The following LDLRAD4 variants were observed in gnomAD, a reference collection of about 807,000 sequenced individuals.
LDLRAD4 encodes the protein low density lipoprotein receptor class A domain containing 4.
A neutral mutation model predicts 17.0 loss-of-function variants in LDLRAD4; 5 were observed. The observed-to-expected ratio is 0.29, with a 90% CI of 0.15 to 0.62. LDLRAD4 has a LOEUF of 0.62. Ranked by LOEUF, LDLRAD4 falls within the 20% of genes least tolerant of loss-of-function variation. The pLI is 0.84. For synonymous variants in LDLRAD4, 168 were observed against 171.8 expected, an observed-to-expected ratio of 0.98 and a Z score of 0.17; for missense variants, 340 against 424.7, an observed-to-expected ratio of 0.80 and a Z score of 1.75.
At chr18:13,322,295 T>G (rs889998408) in intron 1 of LDLRAD4, among the ~76,000 whole-genome samples, 1 of 143,484 alleles carries the variant, frequency 7.0e-6, no homozygotes, top group Non-Finnish European at 1.5e-5. Flanking sequence ...TCTCACTTTT[T>G]TTTTTTTTTT....
intron 3 of LDLRAD4, among the ~76,000 whole-genome samples, chr18:13,601,142 A>G (rs1179168461): frequency 6.6e-6 from 1 of 152,196 alleles, no homozygotes; most frequent in Non-Finnish European, 1.5e-5. Flanking sequence ...CAGGGGCCTC[A>G]CATTCACAGC....
upstream of LDLRAD4, among the ~76,000 whole-genome samples, chr18:13,218,265 G>T (rs1322558803): frequency 6.6e-6 from 1 of 152,208 alleles, no homozygotes; most frequent in Non-Finnish European, 1.5e-5. Context: ...GGCGCCGAGC[G>T]CGCGAGGTCT....
chr18:13,292,140 C>T (rs1191930295), intron 1 of LDLRAD4, among the ~76,000 whole-genome samples: 1 of 152,134 alleles, frequency 6.6e-6, no homozygotes, highest in East Asian at 1.9e-4. Context: ...GGCTGTCTGG[C>T]TGTGGGGTGG....
At chr18:13,253,078 G>A (rs2043311273) in intron 1 of LDLRAD4, among the ~76,000 whole-genome samples, 1 of 152,228 alleles carries the variant, frequency 6.6e-6, no homozygotes, top group Non-Finnish European at 1.5e-5. Context: ...CCAAGTGCCA[G>A]TGATATTCTG....
At chr18:13,373,039 T>C (rs1054464407) in intron 1 of LDLRAD4, among the ~76,000 whole-genome samples, 27 of 152,320 alleles carry the variant, frequency 1.8e-4, no homozygotes, top group African/African-American at 6.5e-4. Flanking sequence ...GACTAACAGA[T>C]TTCAGTGGAG....
At chr18:13,557,408 C>T (rs1003725513) in intron 3 of LDLRAD4, among the ~76,000 whole-genome samples, 1 of 149,124 alleles carries the variant, frequency 6.7e-6, no homozygotes, top group Non-Finnish European at 1.5e-5. Flanking sequence ...TAGACAAAGC[C>T]TTTTTTTTTT....
At chr18:13,351,060 G>T (rs912631822) in intron 1 of LDLRAD4, among the ~76,000 whole-genome samples, 1 of 152,130 alleles carries the variant, frequency 6.6e-6, no homozygotes, top group Non-Finnish European at 1.5e-5. Flanking sequence ...AAATCAGGTA[G>T]CATGATGCCT....
chr18:13,456,859 G>A (rs2092163378), intron 3 of LDLRAD4, among the ~76,000 whole-genome samples: 1 of 152,212 alleles, frequency 6.6e-6, no homozygotes. Context: ...CTTGGGATAT[G>A]TGGTTTTTTC....
At chr18:13,560,761 C>T (rs73954858) in intron 3 of LDLRAD4, among the ~76,000 whole-genome samples, 8,333 of 152,268 alleles carry the variant, frequency 0.055, 493 homozygotes, top group African/African-American at 0.15. Flanking sequence ...TTAAAGAAAA[C>T]TCCAATCTCA....
At chr18:13,288,102 TG>T (rs1250389993) in intron 1 of LDLRAD4, among the ~76,000 whole-genome samples, 1 of 152,248 alleles carries the variant, frequency 6.6e-6, no homozygotes, top group Non-Finnish European at 1.5e-5. Flanking sequence ...TTTCACATTT[TG>T]AACTGAGGAT....
Position 13,518,303 on chromosome 18 carries a change from C to G in LDLRAD4, c.181+79919C>G, listed in dbSNP as rs561011285. 1.5e-3 allele frequency among the ~76,000 whole-genome samples: 236 copies of G among 152,296 alleles called. 1 individual carries two copies. The highest frequency in any genetic ancestry group is 5.5e-3 in the African/African-American group (228 of 41,536). ...AACTTCCTACAGTCATTAGTTCACT[C>G]CTCAGCTGTGTCTCGTGTTACTAGA... On this transcript the variant is annotated intron_variant, in intron 3 of 5. Coordinates refer to ENST00000359446, the Ensembl canonical transcript of LDLRAD4.
chr18:13,530,987 GCCTCTTAACACAGTGGTT>G (rs942778434), intron 3 of LDLRAD4, among the ~76,000 whole-genome samples: 17 of 152,328 alleles, frequency 1.1e-4, no homozygotes, highest in South Asian at 2.1e-4. Flanking sequence ...AAGTTAAGCT[GCCTCTTAACACAGTGGTT>G]CTCCTTCGTT....
intron 3 of LDLRAD4, chr18:13,613,075 T>A: frequency 3.4e-6 from 1 of 289,990 alleles, no homozygotes; most frequent in East Asian, 6.9e-5. Flanking sequence ...AATGTCTGTA[T>A]ATAAGGCTGA....
At chr18:13,523,272 G>A (rs76538062) in intron 3 of LDLRAD4, among the ~76,000 whole-genome samples, 42 of 152,332 alleles carry the variant, frequency 2.8e-4, no homozygotes, top group Non-Finnish European at 5.0e-4. Flanking sequence ...TCATGAGAAT[G>A]GAGATTGTCC....
At chr18:13,476,374 C>G (rs1466696769) in intron 3 of LDLRAD4, among the ~76,000 whole-genome samples, 1 of 152,038 alleles carries the variant, frequency 6.6e-6, no homozygotes, top group Non-Finnish European at 1.5e-5. Context: ...TCTGTAATCC[C>G]AGCACTTTGG....
intron 1 of LDLRAD4, among the ~76,000 whole-genome samples, chr18:13,341,321 AG>A (rs2082362791): frequency 6.6e-6 from 1 of 152,156 alleles, no homozygotes; most frequent in Non-Finnish European, 1.5e-5. Context: ...CACTTCAGGT[AG>A]TACTGATATC....
At chr18:13,335,658 G>A (rs1413336325) in intron 1 of LDLRAD4, among the ~76,000 whole-genome samples, 2 of 152,128 alleles carry the variant, frequency 1.3e-5, no homozygotes, top group Admixed American at 6.5e-5. Context: ...CAGGAATTCC[G>A]GAATGCCTGT....
At chr18:13,402,282 A>G (rs1435028230) in intron 2 of LDLRAD4, among the ~76,000 whole-genome samples, 4 of 151,982 alleles carry the variant, frequency 2.6e-5, no homozygotes, top group Admixed American at 6.5e-5. Flanking sequence ...CACAGCTGCT[A>G]TTTGGTTATA....
chr18:13,477,704 C>CT (rs1339494178), intron 3 of LDLRAD4, among the ~76,000 whole-genome samples: 1 of 152,172 alleles, frequency 6.6e-6, no homozygotes, highest in Non-Finnish European at 1.5e-5. Context: ...CAGGGGATAT[C>CT]TAAGTGCTTA....
Sources: allele counts gnomAD v4.1 joint callset (sites outside exome capture counted in the v4.1 genomes callset), GRCh38; gene constraint gnomAD v4.1.1; transcripts MANE v1.5; gene names NCBI Gene and HGNC (gene_info 2026-07-23, HGNC 2026-07-21).